Variants in TNPO3 observed in about 807,000 individuals in gnomAD.
TNPO3 encodes the protein transportin 3.
Under a neutral mutation model 122.8 loss-of-function variants are expected in TNPO3, and 65 were observed. That is an observed-to-expected ratio of 0.53 (90% CI 0.43 to 0.65). The LOEUF is 0.65. TNPO3 is among the 30% of genes least tolerant of loss of function. The pLI is 0.00. For missense variants in TNPO3, 850 were observed against 1,136.7 expected, an observed-to-expected ratio of 0.75 and a Z score of 3.63; for synonymous variants, 372 against 411.2, an observed-to-expected ratio of 0.90 and a Z score of 1.15.
At chr7:128,969,466 T>C (rs1380816449) in intron 20 of TNPO3, among the ~76,000 whole-genome samples, 1 of 117,410 alleles carries the variant, frequency 8.5e-6, no homozygotes. Context: ...CCTGAACTGC[T>C]TTTACAGTAA....
At chr7:128,999,760 G>A (rs1685354122) in intron 7 of TNPO3, among the ~76,000 whole-genome samples, 1 of 152,082 alleles carries the variant, frequency 6.6e-6, no homozygotes, top group Non-Finnish European at 1.5e-5. Flanking sequence ...TTACAGGTGT[G>A]AGCCACCACG....
At chr7:129,056,082 C>G, upstream of TNPO3, 1 of 1,144,098 alleles carries the variant, frequency 8.7e-7, no homozygotes, top group Non-Finnish European at 1.3e-6. Flanking sequence ...GAAGAAATGT[C>G]TGGGGGAGCT....
At chr7:128,960,798 C>T (rs1332768249) in intron 21 of TNPO3, among the ~76,000 whole-genome samples, 1 of 151,758 alleles carries the variant, frequency 6.6e-6, no homozygotes, top group African/African-American at 2.4e-5. Flanking sequence ...CTCACTCTGT[C>T]GCCCAGGCTG....
chr7:129,055,686 T>C, upstream of TNPO3: 1 of 205,490 alleles, frequency 4.9e-6, no homozygotes, highest in Non-Finnish European at 9.9e-6. Context: ...GCATTTTGCA[T>C]ACATCTTTAG....
intron 7 of TNPO3, among the ~76,000 whole-genome samples, chr7:128,997,862 G>C (rs1801499034): frequency 6.6e-6 from 1 of 152,068 alleles, no homozygotes; most frequent in Non-Finnish European, 1.5e-5. Flanking sequence ...TTTAGAGACG[G>C]AGTTTCATTC....
chr7:128,977,407 T>C (rs1323338592), intron 16 of TNPO3, among the ~76,000 whole-genome samples: 1 of 152,224 alleles, frequency 6.6e-6, no homozygotes, highest in African/African-American at 2.4e-5. Flanking sequence ...GCTCAGCATA[T>C]AGTGAAAGTA....
Position 129,049,707 on chromosome 7 carries a change from A to G in TNPO3, c.120+4944T>C, listed in dbSNP as rs1808475121. On this transcript the variant is annotated intron_variant, in intron 1 of 22. Transcript: ENST00000265388. ...ACATAAAGACAAAGAAAATGGAAAC[A>G]GGTGACAGATATCAATAGAACTGTG... Among the ~76,000 whole-genome samples the G allele has an allele frequency of 3.3e-5, 5 of 152,244 alleles. No individual in the cohort carries two copies. In the South Asian group the frequency reaches 1.0e-3, roughly 31 times the overall value.
At chr7:129,025,051 A>C (rs940895003) in intron 1 of TNPO3, among the ~76,000 whole-genome samples, 4 of 151,778 alleles carry the variant, frequency 2.6e-5, no homozygotes, top group Admixed American at 2.6e-4. Flanking sequence ...CTCAAAATAC[A>C]TTATATAAAA....
At chr7:129,000,033 C>A (rs1422921877) in intron 7 of TNPO3, among the ~76,000 whole-genome samples, 1 of 152,142 alleles carries the variant, frequency 6.6e-6, no homozygotes, top group African/African-American at 2.4e-5. Flanking sequence ...CCCTTAAGTC[C>A]TTTCAATCCC....
At chr7:128,956,844 TA>T (rs1308676431) in intron 22 of TNPO3, among the ~76,000 whole-genome samples, 24 of 152,322 alleles carry the variant, frequency 1.6e-4, no homozygotes, top group African/African-American at 4.6e-4. Context: ...TGGCACCACA[TA>T]TAACAGTCAA....
At chr7:128,963,354 A>G (rs954502880) in intron 21 of TNPO3, among the ~76,000 whole-genome samples, 3 of 152,316 alleles carry the variant, frequency 2.0e-5, no homozygotes, top group Admixed American at 2.0e-4. Context: ...CTGCCCTTAT[A>G]CTGTAACCAG....
chr7:128,956,012 A>C (rs376332110), intron 22 of TNPO3, among the ~76,000 whole-genome samples: 8 of 152,214 alleles, frequency 5.3e-5, no homozygotes, highest in Non-Finnish European at 1.0e-4. Flanking sequence ...TAGTTAATAC[A>C]TCTAAAACAC....
intron 6 of TNPO3, 37 bp downstream of exon 6, chr7:129,001,022 G>C (rs750721340): frequency 1.2e-6 from 2 of 1,603,996 alleles, no homozygotes; most frequent in Non-Finnish European, 1.7e-6. Flanking sequence ...CCAGACTGTA[G>C]GTAAACCCAG....
chr7:129,017,888 C>T (rs573248041), intron 2 of TNPO3, 69 bp downstream of exon 2: 49 of 1,492,708 alleles, frequency 3.3e-5, no homozygotes, highest in Middle Eastern at 1.7e-4. Context: ...CCTAGCAATA[C>T]GAATTAAAAC....
At chr7:129,009,703 G>T (rs181977985) in intron 4 of TNPO3, among the ~76,000 whole-genome samples, 70 of 152,256 alleles carry the variant, frequency 4.6e-4, no homozygotes, top group Admixed American at 2.0e-3. Context: ...CTTACAAAAA[G>T]AAAATGACAA....
chr7:129,032,720 G>T (rs903879505), intron 1 of TNPO3, among the ~76,000 whole-genome samples: 1 of 152,098 alleles, frequency 6.6e-6, no homozygotes, highest in Non-Finnish European at 1.5e-5. Context: ...ACCAATAAAT[G>T]AAAGACATCT....
At chr7:128,968,466 T>C (rs1416929029) in intron 20 of TNPO3, among the ~76,000 whole-genome samples, 1 of 152,226 alleles carries the variant, frequency 6.6e-6, no homozygotes, top group East Asian at 1.9e-4. Flanking sequence ...GTCCTTTGGG[T>C]CAGCACTAAT....
chr7:128,962,146 A>G (rs1797516266), intron 21 of TNPO3, among the ~76,000 whole-genome samples: 1 of 152,000 alleles, frequency 6.6e-6, no homozygotes, highest in Non-Finnish European at 1.5e-5. Flanking sequence ...CGGATGGATC[A>G]TGAGGTCAGG....
chr7:129,030,309 G>C (rs1414003099), intron 1 of TNPO3: 1 of 253,152 alleles, frequency 4.0e-6, no homozygotes, highest in Non-Finnish European at 7.9e-6. Context: ...TTAAAAACAT[G>C]GGCGCTGACA....
Sources: gnomAD v4.1 joint callset for allele counts (sites outside exome capture counted in the v4.1 genomes callset) on GRCh38, gnomAD v4.1.1 for gene constraint, MANE v1.5 for transcripts, NCBI Gene and HGNC (gene_info 2026-07-23, HGNC 2026-07-21) for gene names.